Variants in ERMP1 observed in about 807,000 individuals in gnomAD.
ERMP1 encodes the protein Felix-ina.
Under a neutral mutation model 92.0 loss-of-function variants are expected in ERMP1, and 86 were observed. The observed-to-expected ratio is 0.93, with a 90% CI of 0.79 to 1.12. The LOEUF is 1.12. Among genes scored for constraint, ERMP1 ranks in the 50% most tolerant of loss-of-function variants. The pLI, the probability that ERMP1 is intolerant of heterozygous loss-of-function variation, is 0.00. For missense variants in ERMP1, 1,342 were observed against 1,116.3 expected (o/e 1.20, Z -2.88); for synonymous variants, 530 against 412.8 (o/e 1.28, Z -3.44).
At chr9:5,794,765 A>G (rs1398267501) in intron 13 of ERMP1, among the ~76,000 whole-genome samples, 1 of 152,154 alleles carries the variant, frequency 6.6e-6, no homozygotes, top group Non-Finnish European at 1.5e-5. Flanking sequence ...TAACCTTCCA[A>G]CACAGAAAAA....
intron 13 of ERMP1, among the ~76,000 whole-genome samples, chr9:5,795,838 C>G (rs1470373903): frequency 6.6e-6 from 1 of 151,850 alleles, no homozygotes; most frequent in Non-Finnish European, 1.5e-5. Context: ...AAAACAAAAA[C>G]AAAAACAAAA....
chr9:5,824,100 G>A, intron 3 of ERMP1, 99 bp from the exon 4 acceptor site: 1 of 851,252 alleles, frequency 1.2e-6, no homozygotes, highest in Admixed American at 2.6e-5. Flanking sequence ...ATGAGGTAAG[G>A]AATATGAAAA....
In ERMP1 at chr9:5,798,863, T is replaced by C; in HGVS notation, c.2213A>G (p.Glu738Gly). Residue 738 changes from glutamate to glycine, a missense_variant, in exon 12 of 15, where the codon GAG (glutamate) becomes GGG (glycine). Coordinates refer to ENST00000339450, the MANE Select transcript of ERMP1 (RefSeq NM_024896.3). Reference protein sequence around the residue: ...EINDSIRAHCEENAPLCGFPW... With the variant: ...EINDSIRAHCGENAPLCGFPW... ...AAAACCACAAAGAGGTGCATTCTCC[T>C]CACAGTGAGCTCGGATACTATCATT... is the stretch of plus-strand genomic sequence containing the variant. 1.2e-6 allele frequency: 2 copies of C among 1,613,940 alleles called. No individual in the cohort carries two copies. The highest frequency in any genetic ancestry group is 1.7e-6 in the Non-Finnish European group (2 of 1,179,882).
chr9:5,863,086 C>T (rs1023905267), intron 5 of ERMP1, among the ~76,000 whole-genome samples: 1 of 152,142 alleles, frequency 6.6e-6, no homozygotes, highest in African/African-American at 2.4e-5. Flanking sequence ...CCCTAGTATC[C>T]AATAATTACA....
intron 6 of ERMP1, among the ~76,000 whole-genome samples, chr9:5,840,803 GAACCTTCATTTGCATGGCATTAA>G (rs991758763): frequency 4.6e-5 from 7 of 152,166 alleles, no homozygotes; most frequent in Admixed American, 4.6e-4. Context: ...TCTGTGGTTG[GAACCTTCATTTGCATGGCATTAA>G]AACCTTCATT....
At chr9:5,841,761 C>T (rs968776988) in intron 6 of ERMP1, among the ~76,000 whole-genome samples, 10 of 152,286 alleles carry the variant, frequency 6.6e-5, no homozygotes, top group South Asian at 2.1e-4. Flanking sequence ...AATGTGTGTC[C>T]GGAACTGGTT....
chr9:5,833,414 G>GT (rs1830035427), upstream of ERMP1, among the ~76,000 whole-genome samples: 1 of 152,206 alleles, frequency 6.6e-6, no homozygotes, highest in African/African-American at 2.4e-5. Flanking sequence ...CCTGGCTTTC[G>GT]TAAGGAAGGA....
intron 6 of ERMP1, among the ~76,000 whole-genome samples, chr9:5,811,809 T>C (rs1410916846): frequency 6.6e-6 from 1 of 152,186 alleles, no homozygotes; most frequent in African/African-American, 2.4e-5. Flanking sequence ...GTGTTAAAAA[T>C]TGAGGAGAGC....
chr9:5,805,549 C>A, intron 9 of ERMP1, 62 bp downstream of exon 9: 12 of 1,392,686 alleles, frequency 8.6e-6, no homozygotes, highest in South Asian at 5.0e-5. Flanking sequence ...AGAAAGAGTC[C>A]CTGAAAGCCT....
intron 1 of ERMP1, chr9:5,832,479 G>A: frequency 2.1e-6 from 1 of 474,016 alleles, no homozygotes; most frequent in South Asian, 3.8e-5. Flanking sequence ...TGCACCACGA[G>A]CTTAACCGGG....
At chr9:5,820,338 A>G (rs1036522372) in intron 4 of ERMP1, among the ~76,000 whole-genome samples, 9 of 152,204 alleles carry the variant, frequency 5.9e-5, no homozygotes, top group Admixed American at 2.6e-4. Flanking sequence ...ACAGAATATG[A>G]TTCTATTTTT....
intron 4 of ERMP1, 119 bp from the exon 5 acceptor site, chr9:5,813,154 G>T: frequency 1.1e-6 from 1 of 943,744 alleles, no homozygotes. Context: ...GGTCCAATAT[G>T]TACCTTTTCA....
chr9:5,848,828 T>A (rs1269223774), intron 6 of ERMP1, among the ~76,000 whole-genome samples: 1 of 152,134 alleles, frequency 6.6e-6, no homozygotes. Flanking sequence ...ATCACCTTTC[T>A]AAAAGAGTGA....
At chr9:5,861,199 G>GTGTGTGTGTGTGTGTGTGTGTGTGTGTA (rs1830483820) in intron 5 of ERMP1, among the ~76,000 whole-genome samples, 5 of 146,544 alleles carry the variant, frequency 3.4e-5, no homozygotes, top group Admixed American at 1.4e-4. Flanking sequence ...GTGTGTGTGT[G>GTGTGTGTGTGTGTGTGTGTGTGTGTGTA]TGTGTGTGTG....
chr9:5,787,088 G>T lies in ERMP1; in HGVS notation c.*56C>A, dbSNP rs73639512. On this transcript the variant is annotated 3_prime_UTR_variant, in exon 15 of 15. Coordinates refer to ENST00000339450, the MANE Select transcript of ERMP1 (RefSeq NM_024896.3). ...TACAAACATCCACGTAACATAGGGAGAAACCATGTCACATGGAGTATCCAC... is the reference window on the plus strand; with the variant it reads ...TACAAACATCCACGTAACATAGGGATAAACCATGTCACATGGAGTATCCAC... 1.3e-3 allele frequency: 1,950 copies of T among 1,483,168 alleles called. 25 individuals carry two copies. The African/African-American group carries it at 0.023, about 17-fold the overall frequency. 91.9% of individuals were successfully genotyped at this position (1,483,168 alleles called of 1,614,324 possible). A position where few individuals can be genotyped will look rare whatever the true frequency, so the allele number is the denominator to read the frequency against.
At chr9:5,822,348 T>TA (rs1459061197) in intron 4 of ERMP1, among the ~76,000 whole-genome samples, 1 of 152,152 alleles carries the variant, frequency 6.6e-6, no homozygotes, top group South Asian at 2.1e-4. Context: ...TCTCATTAGT[T>TA]AGAGTAAGAA....
At chr9:5,791,666 A>G (rs1253445830) in intron 13 of ERMP1, among the ~76,000 whole-genome samples, 2 of 152,214 alleles carry the variant, frequency 1.3e-5, no homozygotes, top group Non-Finnish European at 2.9e-5. Flanking sequence ...AGAAAATGTC[A>G]TATGTCTTGA....
At position 5,805,051 on chromosome 9, in the gene ERMP1, A is replaced by T. The variant is rs773770283; in HGVS notation, c.1890T>A (p.Cys630Ter). Residue 630 changes from cysteine (C) to a stop codon, truncating the protein, a stop_gained, in exon 10 of 15, where the codon TGT (cysteine) becomes TGA (stop). Transcript: ENST00000339450. LOFTEE classifies it high-confidence loss of function. ...DVVLASILAG[C>*]TMILSSYFIN... ...CAAAATAGGACGAGAGAATCATTGT[A>T]CAGCCAGCCAAAATGGATGCCAGCA... The T allele has an allele frequency of 1.2e-5, 20 of 1,612,040 alleles. No homozygotes were observed. The highest frequency in any genetic ancestry group is 1.6e-5 in the Non-Finnish European group (19 of 1,179,608).
At chr9:5,837,335 C>T (rs904160486), upstream of ERMP1, among the ~76,000 whole-genome samples, 1 of 152,124 alleles carries the variant, frequency 6.6e-6, no homozygotes, top group African/African-American at 2.4e-5. Context: ...CCATATTACA[C>T]ACACATCCAC....
Sources: gnomAD v4.1 joint callset for allele counts (sites outside exome capture counted in the v4.1 genomes callset) on GRCh38, gnomAD v4.1.1 for gene constraint, MANE v1.5 for transcripts, NCBI Gene and HGNC (gene_info 2026-07-23, HGNC 2026-07-21) for gene names.